LRRC4C: variants seen among roughly 807,000 people sequenced by gnomAD.
LRRC4C encodes leucine rich repeat containing 4C.
LRRC4C carries 5 observed loss-of-function variants against 33.6 expected under a neutral mutation model. The observed-to-expected ratio is 0.15, with a 90% CI of 0.08 to 0.31. LRRC4C has a LOEUF of 0.31. Among genes scored for constraint, LRRC4C ranks in the 10% least tolerant of loss-of-function variants. The pLI is 1.00. For missense variants in LRRC4C, 560 were observed against 796.7 expected, an observed-to-expected ratio of 0.70 and a Z score of 3.58; for synonymous variants, 329 against 302.0, an observed-to-expected ratio of 1.09 and a Z score of -0.93.
intron 1 of LRRC4C, among the ~76,000 whole-genome samples, chr11:40,942,550 T>A (rs1958203775): frequency 6.6e-6 from 1 of 152,116 alleles, no homozygotes; most frequent in South Asian, 2.1e-4. Context: ...TTGCAAGTAG[T>A]GCACTAGAGT....
intron 1 of LRRC4C, among the ~76,000 whole-genome samples, chr11:41,186,180 A>T (rs1945686963): frequency 6.6e-6 from 1 of 152,192 alleles, no homozygotes; most frequent in African/African-American, 2.4e-5. Flanking sequence ...AAAGACTGAA[A>T]AACAGATACA....
intron 2 of LRRC4C, among the ~76,000 whole-genome samples, chr11:40,843,353 G>A (rs937232498): frequency 1.5e-4 from 23 of 152,062 alleles, no homozygotes; most frequent in African/African-American, 2.2e-4. Context: ...GAAAATCCCC[G>A]TCTTAGAATT....
intron 2 of LRRC4C, among the ~76,000 whole-genome samples, chr11:40,839,372 A>G (rs757033742): frequency 1.3e-4 from 20 of 152,022 alleles, no homozygotes; most frequent in Non-Finnish European, 2.8e-4. Flanking sequence ...TCAGCCTCCA[A>G]GTAGCTGGGA....
intron 1 of LRRC4C, among the ~76,000 whole-genome samples, chr11:41,238,946 T>C (rs1948133374): frequency 1.3e-5 from 2 of 152,070 alleles, no homozygotes; most frequent in East Asian, 1.9e-4. Flanking sequence ...TCCCATATTA[T>C]ATATTTTTAC....
intron 4 of LRRC4C, among the ~76,000 whole-genome samples, chr11:40,313,872 C>T (rs1945447989): frequency 6.6e-6 from 1 of 151,986 alleles, no homozygotes; most frequent in South Asian, 2.1e-4. Flanking sequence ...CTCGGCCTCC[C>T]AAAGTGCTGG....
intron 2 of LRRC4C, among the ~76,000 whole-genome samples, chr11:40,706,109 G>A (rs959007124): frequency 1.3e-5 from 2 of 151,946 alleles, no homozygotes; most frequent in Non-Finnish European, 2.9e-5. Flanking sequence ...CTGGATATTA[G>A]CCCTTTGTCA....
intron 3 of LRRC4C, among the ~76,000 whole-genome samples, chr11:40,636,711 G>T (rs1941772236): frequency 6.6e-6 from 1 of 152,062 alleles, no homozygotes. Flanking sequence ...CTAGGCAGTG[G>T]AAATAAGATC....
intron 2 of LRRC4C, among the ~76,000 whole-genome samples, chr11:40,674,020 C>T (rs1466314841): frequency 7.9e-5 from 12 of 152,176 alleles, no homozygotes; most frequent in Non-Finnish European, 1.6e-4. Context: ...TCTAGGCTGC[C>T]ATAAGGCATT....
chr11:40,483,543 C>G (rs556947553), intron 3 of LRRC4C, among the ~76,000 whole-genome samples: 4 of 152,028 alleles, frequency 2.6e-5, no homozygotes, highest in African/African-American at 9.6e-5. Flanking sequence ...TGGAAATATT[C>G]TGAATAAAAG....
chr11:40,255,962 C>T (rs557708122), intron 4 of LRRC4C, among the ~76,000 whole-genome samples: 107 of 152,314 alleles, frequency 7.0e-4, no homozygotes, highest in Middle Eastern at 3.4e-3. Flanking sequence ...TACAAAGGCT[C>T]TAAATCAGAG....
chr11:40,982,735 C>T (rs1852632747), intron 1 of LRRC4C, among the ~76,000 whole-genome samples: 1 of 152,064 alleles, frequency 6.6e-6, no homozygotes, highest in Admixed American at 6.6e-5. Flanking sequence ...AAACTTGTGT[C>T]ATGGGTGTTT....
intron 1 of LRRC4C, among the ~76,000 whole-genome samples, chr11:41,199,957 TC>T (rs1946339057): frequency 6.6e-6 from 1 of 152,102 alleles, no homozygotes; most frequent in South Asian, 2.1e-4. Flanking sequence ...TGTGACCTGC[TC>T]AAGATCATAC....
intron 3 of LRRC4C, among the ~76,000 whole-genome samples, chr11:40,505,086 T>C (rs778267470): frequency 7.2e-5 from 11 of 152,196 alleles, no homozygotes; most frequent in Non-Finnish European, 1.6e-4. Flanking sequence ...TTCTAACTGC[T>C]GATTCAATTG....
intron 5 of LRRC4C, among the ~76,000 whole-genome samples, chr11:40,175,156 T>C (rs1367099629): frequency 6.6e-6 from 1 of 152,232 alleles, no homozygotes; most frequent in African/African-American, 2.4e-5. Context: ...GAAGCAGTGG[T>C]TGCATAATAG....
At chr11:41,417,524 T>C (rs944863932) in intron 1 of LRRC4C, among the ~76,000 whole-genome samples, 1 of 152,078 alleles carries the variant, frequency 6.6e-6, no homozygotes, top group Non-Finnish European at 1.5e-5. Context: ...ACGGAAGAGT[T>C]TGGCATAGGT....
chr11:40,586,206 G>T (rs1958733172), intron 3 of LRRC4C, among the ~76,000 whole-genome samples: 1 of 151,944 alleles, frequency 6.6e-6, no homozygotes, highest in Non-Finnish European at 1.5e-5. Flanking sequence ...GTTTTGATTT[G>T]CATTTCTCTG....
intron 1 of LRRC4C, among the ~76,000 whole-genome samples, chr11:41,236,545 C>A (rs181985244): frequency 1.1e-3 from 171 of 151,570 alleles, no homozygotes; most frequent in Admixed American, 2.0e-3. Flanking sequence ...AATCTATATA[C>A]AGCGAAATGT....
At chr11:41,332,045 T>TA (rs1358930181) in intron 1 of LRRC4C, among the ~76,000 whole-genome samples, 3 of 152,298 alleles carry the variant, frequency 2.0e-5, no homozygotes, top group African/African-American at 7.2e-5. Flanking sequence ...ATGTAAAATG[T>TA]AAAATCCATT....
intron 1 of LRRC4C, among the ~76,000 whole-genome samples, chr11:41,170,937 G>A (rs1003684559): frequency 6.6e-6 from 1 of 152,042 alleles, no homozygotes; most frequent in African/African-American, 2.4e-5. Context: ...TCAAAAAGTG[G>A]GTGAAGGATA....
Sources: gnomAD v4.1 joint callset for allele counts (sites outside exome capture counted in the v4.1 genomes callset) on GRCh38, gnomAD v4.1.1 for gene constraint, MANE v1.5 for transcripts, NCBI Gene and HGNC (gene_info 2026-07-23, HGNC 2026-07-21) for gene names.